Variants in ACBD5 observed in about 807,000 individuals in gnomAD.
ACBD5 encodes acyl-CoA-binding domain-containing protein 5.
Under a neutral mutation model 71.8 loss-of-function variants are expected in ACBD5, and 40 were observed. The observed-to-expected ratio is 0.56, with a 90% CI of 0.43 to 0.72. The LOEUF is 0.72. Among genes scored for constraint, ACBD5 ranks in the 30% least tolerant of loss-of-function variants. The pLI, the probability that ACBD5 is intolerant of heterozygous loss-of-function variation, is 0.00. For missense variants in ACBD5, 559 were observed against 644.5 expected, an observed-to-expected ratio of 0.87 and a Z score of 1.44; for synonymous variants, 229 against 218.6, an observed-to-expected ratio of 1.05 and a Z score of -0.42.
chr10:27,235,686 C>T (rs2064574417), intron 2 of ACBD5, among the ~76,000 whole-genome samples: 1 of 152,224 alleles, frequency 6.6e-6, no homozygotes, highest in Non-Finnish European at 1.5e-5. Flanking sequence ...AGAGTATACA[C>T]TATGGTAGAA....
chr10:27,185,294 G>A (rs561054092), intron 13 of ACBD5, among the ~76,000 whole-genome samples: 5 of 152,122 alleles, frequency 3.3e-5, no homozygotes, highest in Admixed American at 3.3e-4. Context: ...TCAAGGAGCA[G>A]AAAGTAGGCC....
chr10:27,191,891 A>G (rs953004582), downstream of ACBD5, among the ~76,000 whole-genome samples: 1 of 146,416 alleles, frequency 6.8e-6, no homozygotes, highest in Non-Finnish European at 1.5e-5. Context: ...TCTGAATCAA[A>G]AAAAAATAAT....
intron 7 of ACBD5, among the ~76,000 whole-genome samples, chr10:27,217,145 C>A (rs1473625197): frequency 5.4e-3 from 451 of 83,170 alleles, no homozygotes; most frequent in Middle Eastern, 0.021. Flanking sequence ...GACTCTGTCT[C>A]AAAAAAAAAA....
At chr10:27,190,525 G>A (rs1173858689), downstream of ACBD5, among the ~76,000 whole-genome samples, 4 of 152,118 alleles carry the variant, frequency 2.6e-5, no homozygotes, top group East Asian at 3.8e-4. Flanking sequence ...ACTATATAAA[G>A]CCTTACTATT....
downstream of ACBD5, among the ~76,000 whole-genome samples, chr10:27,191,859 G>A (rs867938127): frequency 2.0e-5 from 3 of 151,984 alleles, no homozygotes; most frequent in African/African-American, 7.3e-5. Context: ...CTGCACTCCA[G>A]CCTGGGTGAC....
In ACBD5 at chr10:27,204,498, T is replaced by C. The variant is rs772621096; in HGVS notation, c.1507A>G (p.Ile503Val). ...CACTGTGCAATAAAAGGCCATATGA[T>C]GGCAAACGTTAGCACACCAGGAGAC... The part of the protein sequence containing the change: ...EMSPGVLTFA[I>V]IWPFIAQWLV... The change falls in exon 12 of 13, where the codon ATC becomes GTC. Residue 503 changes from isoleucine (I) to valine (V), a missense_variant. Transcript: ENST00000396271. The C allele has an allele frequency of 8.9e-5, 144 of 1,614,008 alleles. 1 individual carries two copies. The Admixed American group carries it at 2.3e-3, about 26-fold the overall frequency.
At chr10:27,203,602 G>T (rs1379162434) in intron 12 of ACBD5, among the ~76,000 whole-genome samples, 2 of 152,272 alleles carry the variant, frequency 1.3e-5, no homozygotes, top group East Asian at 3.9e-4. Flanking sequence ...AGCTGGGCAT[G>T]ATGGCACATG....
chr10:27,189,240 G>A (rs2058952886), intron 13 of ACBD5, among the ~76,000 whole-genome samples: 1 of 152,182 alleles, frequency 6.6e-6, no homozygotes, highest in Non-Finnish European at 1.5e-5. Flanking sequence ...TGTTGGCCAG[G>A]CTGGTCTCAA....
rs150601599 is a variant in ACBD5 at position 27,223,364 on chromosome 10, C to A, written c.464G>T (p.Ser155Ile). ...TGAGGTTATATCAGAACTCCTGCCA[C>A]TCTTTTTGTCCTCGACAATTTCATA... ...PFYEIVEDKK[S>I]GRSSDITSDL... is the part of the protein sequence containing the mutation. The change falls in exon 5 of 13, where the codon AGT (serine) becomes ATT (isoleucine). Residue 155 changes from serine (S) to isoleucine (I), a missense_variant. Coordinates refer to ENST00000396271, the MANE Select transcript of ACBD5 (RefSeq NM_145698.5). The A allele has an allele frequency of 6.2e-7, 1 of 1,613,886 alleles. No homozygotes were observed. The highest frequency in any genetic ancestry group is 8.5e-7 in the Non-Finnish European group (1 of 1,179,924).
At chr10:27,186,812 A>C in intron 13 of ACBD5, 1 of 422,232 alleles carries the variant, frequency 2.4e-6, no homozygotes, top group South Asian at 2.3e-5. Flanking sequence ...CATCAATAAA[A>C]TTAGAGGACA....
At position 27,195,239 on chromosome 10, in the gene ACBD5, T is replaced by TA. The variant is rs2059280182; in HGVS notation, c.*2190dup. 2.4e-6 allele frequency: 1 copy of TA among 410,360 alleles called. No individual in the cohort carries two copies. The highest frequency in any genetic ancestry group is 3.3e-5 in the Admixed American group (1 of 30,570). The allele number at this position is 410,360 out of a possible 1,614,324, so 25.4% of individuals were successfully genotyped here. On this transcript the variant is annotated 3_prime_UTR_variant, in exon 13 of 13. Coordinates refer to ENST00000396271, the MANE Select transcript of ACBD5 (RefSeq NM_145698.5). ...TCATTTCTCATTAACCTTTTATTTT[T>TA]AACTTAGTTTTACAATAAACAGAAA...
intron 2 of ACBD5, among the ~76,000 whole-genome samples, 197 bp from the exon 3 acceptor site, chr10:27,235,409 T>A (rs567084368): frequency 6.6e-6 from 1 of 152,350 alleles, no homozygotes; most frequent in Admixed American, 6.5e-5. Context: ...CTCTGAGATT[T>A]TAAACTTTAA....
intron 12 of ACBD5, among the ~76,000 whole-genome samples, chr10:27,200,188 C>T (rs543873378): frequency 6.6e-6 from 1 of 152,162 alleles, no homozygotes; most frequent in South Asian, 2.1e-4. Context: ...GTCATAAAGA[C>T]CTTGCTGATA....
intron 8 of ACBD5, among the ~76,000 whole-genome samples, chr10:27,211,616 C>A (rs548587004): frequency 1.7e-3 from 265 of 152,186 alleles, no homozygotes; most frequent in African/African-American, 6.3e-3. Context: ...CCCACGCCCG[C>A]CCAGTGAGTT....
downstream of ACBD5, among the ~76,000 whole-genome samples, chr10:27,194,645 T>G (rs140173668): frequency 0.097 from 14,362 of 148,448 alleles, 2,265 homozygotes; most frequent in African/African-American, 0.33. Context: ...ATAATAATAA[T>G]AATAAGATGG....
intron 10 of ACBD5, among the ~76,000 whole-genome samples, chr10:27,205,920 G>T (rs2060427283): frequency 6.6e-6 from 1 of 151,950 alleles, no homozygotes; most frequent in East Asian, 1.9e-4. Context: ...TTTTATTATT[G>T]TATTGTATTT....
downstream of ACBD5, among the ~76,000 whole-genome samples, chr10:27,192,587 G>T (rs2059124145): frequency 6.6e-6 from 1 of 151,820 alleles, no homozygotes; most frequent in Non-Finnish European, 1.5e-5. Flanking sequence ...TCCAAGGGAA[G>T]AGGGGAGGGG....
intron 4 of ACBD5, among the ~76,000 whole-genome samples, chr10:27,230,112 A>G (rs903609074): frequency 2.4e-4 from 35 of 148,614 alleles, no homozygotes; most frequent in African/African-American, 8.7e-4. Flanking sequence ...AAAAAAAAAA[A>G]GAGAAATAGT....
chr10:27,191,857 C>T (rs1304680793), downstream of ACBD5, among the ~76,000 whole-genome samples: 1 of 151,782 alleles, frequency 6.6e-6, no homozygotes, highest in Non-Finnish European at 1.5e-5. Context: ...CTCTGCACTC[C>T]AGCCTGGGTG....
Sources: gnomAD v4.1 joint callset for allele counts (sites outside exome capture counted in the v4.1 genomes callset) on GRCh38, gnomAD v4.1.1 for gene constraint, MANE v1.5 for transcripts, NCBI Gene and HGNC (gene_info 2026-07-23, HGNC 2026-07-21) for gene names.